SLC9B1: variants seen among roughly 807,000 people sequenced by gnomAD.
SLC9B1 encodes sodium/hydrogen exchanger 9B1.
SLC9B1 carries 32 observed loss-of-function variants against 51.7 expected under a neutral mutation model. The ratio of observed to expected loss-of-function variants is 0.62; its 90% CI spans 0.47 to 0.83. The LOEUF (loss-of-function observed/expected upper bound fraction) is 0.83, where lower values mean the gene tolerates loss of function less well. Ranked by LOEUF, SLC9B1 falls within the 40% of genes least tolerant of loss-of-function variation. The pLI, the probability that SLC9B1 is intolerant of heterozygous loss-of-function variation, is 0.00. For synonymous variants in SLC9B1, 145 were observed against 212.7 expected, an observed-to-expected ratio of 0.68 and a Z score of 2.77; for missense variants, 406 against 613.2, an observed-to-expected ratio of 0.66 and a Z score of 3.57.
intron 11 of SLC9B1, chr4:102,891,349 A>G (rs1734240240): frequency 6.6e-6 from 1 of 152,336 alleles, no homozygotes; most frequent in South Asian, 2.1e-4. Context: ...ACAAAATGTG[A>G]CAGCTGACAG....
chr4:102,908,827 C>A (rs1302028087), intron 9 of SLC9B1, among the ~76,000 whole-genome samples: 1 of 152,294 alleles, frequency 6.6e-6, no homozygotes, highest in African/African-American at 2.4e-5. Context: ...AACAAAGGAT[C>A]AGTAGCCCTA....
chr4:102,967,936 A>G (rs1738518468), intron 3 of SLC9B1, among the ~76,000 whole-genome samples: 1 of 152,198 alleles, frequency 6.6e-6, no homozygotes, highest in African/African-American at 2.4e-5. Flanking sequence ...ATGTCAATTG[A>G]TCTACAAATT....
chr4:102,913,175 A>G (rs1322324702), intron 7 of SLC9B1, among the ~76,000 whole-genome samples: 2 of 152,204 alleles, frequency 1.3e-5, no homozygotes, highest in Non-Finnish European at 2.9e-5. Flanking sequence ...GGGAAAGAGA[A>G]GACTGGAACG....
In SLC9B1 at chr4:103,018,902, G is replaced by A. The variant is rs550919118; in HGVS notation, c.-2+697C>T. Among the ~76,000 whole-genome samples the A allele has an allele frequency of 5.3e-5, 8 of 152,320 alleles. No homozygotes were observed. In the East Asian group the frequency reaches 1.5e-3, roughly 29 times the overall value. On this transcript the variant is annotated intron_variant, in intron 1 of 11. Transcript: ENST00000296422. ...CTGAGCTCCAGCTCCTGTCAGATGA[G>A]CAAAGGCATTAGATTCTCATAGGAG...
At chr4:102,898,852 C>T (rs551981876), downstream of SLC9B1, among the ~76,000 whole-genome samples, 22 of 152,266 alleles carry the variant, frequency 1.4e-4, 1 homozygote, top group African/African-American at 2.9e-4. Flanking sequence ...CTCAGCCTCC[C>T]GAGTAGCCGG....
chr4:102,942,490 A>G (rs2110469829), intron 6 of SLC9B1, among the ~76,000 whole-genome samples: 1 of 152,344 alleles, frequency 6.6e-6, no homozygotes, highest in South Asian at 2.1e-4. Flanking sequence ...ACATAGACCA[A>G]TGGAACAGAA....
At chr4:102,923,334 C>A (rs1212529667) in intron 7 of SLC9B1, among the ~76,000 whole-genome samples, 2 of 152,306 alleles carry the variant, frequency 1.3e-5, no homozygotes, top group East Asian at 3.9e-4. Flanking sequence ...TTAATAGATG[C>A]AGAAAAGGCC....
intron 6 of SLC9B1, among the ~76,000 whole-genome samples, chr4:102,943,740 G>C (rs1737134293): frequency 6.6e-6 from 1 of 152,158 alleles, no homozygotes; most frequent in Non-Finnish European, 1.5e-5. Context: ...TGGGGACTTA[G>C]GGGGAAGAGT....
Position 102,885,293 on chromosome 4 carries a change from C to T in SLC9B1, c.1368G>A (p.Arg456=). 2.5e-6 allele frequency: 4 copies of T among 1,613,978 alleles called. No homozygotes were observed. Among genetic ancestry groups the T allele is most frequent in the Non-Finnish European group, 3.4e-6 (4 of 1,179,958 alleles). ...CTACCTTGCAGTTCGTCCATTCCTC[C>T]CGAAGAAGAAACAACAGAAGGATAG... Residue 456 remains arginine (R), a synonymous_variant, in exon 12 of 12, where the codon CGG becomes CGA. Transcript: ENST00000394789.
At chr4:102,888,069 T>TGTGC (rs1168327661) in intron 11 of SLC9B1, 2 of 152,140 alleles carry the variant, frequency 1.3e-5, no homozygotes, top group Admixed American at 6.6e-5. Flanking sequence ...TGTGTGTGTG[T>TGTGC]GTGTGTGTGT....
chr4:102,987,247 G>C (rs1231774216), intron 3 of SLC9B1, among the ~76,000 whole-genome samples: 1 of 152,056 alleles, frequency 6.6e-6, no homozygotes, highest in Non-Finnish European at 1.5e-5. Flanking sequence ...GGTTAGAGGA[G>C]GCCAGAGTTG....
chr4:103,016,513 C>T (rs1741353099), intron 1 of SLC9B1, among the ~76,000 whole-genome samples: 1 of 151,984 alleles, frequency 6.6e-6, no homozygotes, highest in African/African-American at 2.4e-5. Context: ...CTAGTCAAGG[C>T]ATATAACTAC....
At chr4:103,014,570 T>C (rs1054608162) in intron 1 of SLC9B1, among the ~76,000 whole-genome samples, 9 of 152,242 alleles carry the variant, frequency 5.9e-5, no homozygotes, top group African/African-American at 2.2e-4. Flanking sequence ...TTCCCATCTA[T>C]TTCCCTACTA....
chr4:103,004,098 G>T (rs754227214), intron 1 of SLC9B1, among the ~76,000 whole-genome samples: 28 of 152,122 alleles, frequency 1.8e-4, no homozygotes, highest in Non-Finnish European at 3.7e-4. Flanking sequence ...TAACCAGGCT[G>T]AAATGACAGA....
chr4:102,921,611 C>T (rs1397247067), intron 7 of SLC9B1, among the ~76,000 whole-genome samples: 1 of 152,148 alleles, frequency 6.6e-6, no homozygotes, highest in Non-Finnish European at 1.5e-5. Context: ...AAGACACAGA[C>T]TGGCAAACTG....
chr4:102,923,988 A>G (rs1434569289), intron 7 of SLC9B1, among the ~76,000 whole-genome samples: 2 of 152,100 alleles, frequency 1.3e-5, no homozygotes, highest in Admixed American at 6.5e-5. Flanking sequence ...TGCCAAAGGT[A>G]ATTTATAGAT....
intron 9 of SLC9B1, among the ~76,000 whole-genome samples, chr4:102,910,141 T>C (rs1323711962): frequency 6.6e-6 from 1 of 152,100 alleles, no homozygotes; most frequent in African/African-American, 2.4e-5. Flanking sequence ...CATGGATTAA[T>C]TGTATAATTA....
At chr4:102,935,338 T>C (rs1330645152) in intron 6 of SLC9B1, among the ~76,000 whole-genome samples, 1 of 152,192 alleles carries the variant, frequency 6.6e-6, no homozygotes, top group Non-Finnish European at 1.5e-5. Flanking sequence ...AATTTAATAA[T>C]ATCAAGGATT....
intron 1 of SLC9B1, among the ~76,000 whole-genome samples, chr4:103,002,301 T>A (rs1013014640): frequency 6.6e-6 from 1 of 152,210 alleles, no homozygotes; most frequent in African/African-American, 2.4e-5. Context: ...GTTACATAAC[T>A]ATAAATAAAG....
Sources: gnomAD v4.1 joint callset for allele counts (sites outside exome capture counted in the v4.1 genomes callset) on GRCh38, gnomAD v4.1.1 for gene constraint, MANE v1.5 for transcripts, NCBI Gene and HGNC (gene_info 2026-07-23, HGNC 2026-07-21) for gene names.